The following FGF12 variants were observed in gnomAD, a reference collection of about 807,000 sequenced individuals.
FGF12 encodes the protein fibroblast growth factor 12B.
In FGF12, 14 loss-of-function variants were observed where a neutral mutation model predicts 23.6. The ratio of observed to expected loss-of-function variants is 0.59; its 90% confidence interval spans 0.39 to 0.93. FGF12 has a LOEUF of 0.93. Among genes scored for constraint, FGF12 ranks in the 40% least tolerant of loss-of-function variants. The probability of loss-of-function intolerance (pLI) is 0.00; values close to 1 mark genes in which losing one functional copy is unlikely to be tolerated. For missense variants in FGF12, 175 were observed against 217.8 expected, an observed-to-expected ratio of 0.80 and a Z score of 1.24; for synonymous variants, 62 against 77.3, an observed-to-expected ratio of 0.80 and a Z score of 1.04.
intron 4 of FGF12, among the ~76,000 whole-genome samples, chr3:192,309,693 C>G (rs1715835974): frequency 6.6e-6 from 1 of 151,950 alleles, no homozygotes; most frequent in African/African-American, 2.4e-5. Flanking sequence ...ATAACGATGA[C>G]AGAGAGACAT....
intron 2 of FGF12, among the ~76,000 whole-genome samples, chr3:192,614,913 T>G (rs1316255992): frequency 6.6e-6 from 1 of 152,014 alleles, no homozygotes; most frequent in Non-Finnish European, 1.5e-5. Context: ...TGTTTTTGTT[T>G]TATTTGTTTA....
At chr3:192,377,615 C>A (rs1719580701) in intron 2 of FGF12, among the ~76,000 whole-genome samples, 1 of 152,106 alleles carries the variant, frequency 6.6e-6, no homozygotes, top group African/African-American at 2.4e-5. Context: ...TCAAAATTAT[C>A]ATTGTGGTTA....
chr3:192,458,957 G>A (rs957130016), intron 2 of FGF12, among the ~76,000 whole-genome samples: 1 of 152,084 alleles, frequency 6.6e-6, no homozygotes, highest in Non-Finnish European at 1.5e-5. Context: ...TAAGTCTAAC[G>A]AGATCTAATG....
chr3:192,711,940 C>CAAAAAA (rs60779864), intron 2 of FGF12, among the ~76,000 whole-genome samples: 5 of 50,782 alleles, frequency 9.8e-5, no homozygotes, highest in East Asian at 4.7e-4. Context: ...CAAGAACGAT[C>CAAAAAA]AAAAAAAAAA....
At chr3:192,522,777 T>G (rs993332180) in intron 2 of FGF12, among the ~76,000 whole-genome samples, 1 of 152,188 alleles carries the variant, frequency 6.6e-6, no homozygotes, top group Admixed American at 6.5e-5. Flanking sequence ...TATGAATAGA[T>G]CTGTGAAATT....
intron 3 of FGF12, among the ~76,000 whole-genome samples, chr3:192,342,344 G>A (rs1717732236): frequency 6.6e-6 from 1 of 152,178 alleles, no homozygotes. Context: ...ATGGTACAAA[G>A]TCTGAAATGG....
intron 4 of FGF12, among the ~76,000 whole-genome samples, chr3:192,281,822 A>G (rs1714163608): frequency 6.6e-6 from 1 of 152,158 alleles, no homozygotes; most frequent in South Asian, 2.1e-4. Context: ...ATGCAATCCT[A>G]GAGTGCAAAG....
intron 2 of FGF12, among the ~76,000 whole-genome samples, chr3:192,530,218 C>A (rs1174992583): frequency 1.3e-5 from 2 of 152,036 alleles, no homozygotes; most frequent in Admixed American, 1.3e-4. Flanking sequence ...GCTTTGAAAT[C>A]AAACTGGACC....
At chr3:192,367,840 A>G (rs1367279200) in intron 2 of FGF12, among the ~76,000 whole-genome samples, 1 of 152,026 alleles carries the variant, frequency 6.6e-6, no homozygotes, top group African/African-American at 2.4e-5. Flanking sequence ...CTCATCTTCG[A>G]TCTCCCCATT....
intron 4 of FGF12, among the ~76,000 whole-genome samples, chr3:192,267,439 A>G (rs528370953): frequency 5.9e-5 from 9 of 152,314 alleles, no homozygotes; most frequent in Non-Finnish European, 1.2e-4. Flanking sequence ...ATTTCCAATG[A>G]GAGTTTAATA....
At chr3:192,238,762 C>A (rs1719440025) in intron 4 of FGF12, 3 of 152,150 alleles carry the variant, frequency 2.0e-5, no homozygotes, top group African/African-American at 7.2e-5. Flanking sequence ...CCTCACAGGT[C>A]CAAAGTTTAC....
At chr3:192,664,426 C>T (rs1457785148) in intron 2 of FGF12, among the ~76,000 whole-genome samples, 1 of 151,832 alleles carries the variant, frequency 6.6e-6, no homozygotes, top group African/African-American at 2.4e-5. Context: ...ACCAGCATTA[C>T]TTCCCTAATT....
intron 2 of FGF12, among the ~76,000 whole-genome samples, chr3:192,389,988 G>T (rs1188098549): frequency 6.6e-6 from 1 of 152,164 alleles, no homozygotes; most frequent in Non-Finnish European, 1.5e-5. Context: ...CTGTCCTGTA[G>T]GCTGACTCAT....
chr3:192,186,759 C>CAT (rs1716496565), intron 4 of FGF12, among the ~76,000 whole-genome samples: 1 of 152,172 alleles, frequency 6.6e-6, no homozygotes, highest in Non-Finnish European at 1.5e-5. Flanking sequence ...TAGTATGAGT[C>CAT]ATGTCTCCTC....
At chr3:192,226,244 T>A (rs1299887151) in intron 4 of FGF12, among the ~76,000 whole-genome samples, 1 of 152,184 alleles carries the variant, frequency 6.6e-6, no homozygotes, top group Non-Finnish European at 1.5e-5. Context: ...GCTTAGGGCA[T>A]TTTTTGAATA....
chr3:192,192,812 TA>T (rs1347176195), intron 4 of FGF12, among the ~76,000 whole-genome samples: 2 of 152,172 alleles, frequency 1.3e-5, no homozygotes, highest in African/African-American at 4.8e-5. Flanking sequence ...TTTTTATTCA[TA>T]TAATACATCA....
intron 2 of FGF12, among the ~76,000 whole-genome samples, chr3:192,718,372 A>G (rs1718931781): frequency 6.6e-6 from 1 of 152,092 alleles, no homozygotes; most frequent in Non-Finnish European, 1.5e-5. Context: ...AAGTTCGCCA[A>G]AAGAGATAGG....
chr3:192,495,678 C>T (rs1344513308), intron 2 of FGF12, among the ~76,000 whole-genome samples: 2 of 152,074 alleles, frequency 1.3e-5, no homozygotes, highest in African/African-American at 4.8e-5. Flanking sequence ...ATAGCCCTCA[C>T]CTTTTTGAAA....
chr3:192,565,972 G>A (rs566727328), intron 2 of FGF12, among the ~76,000 whole-genome samples: 14 of 152,174 alleles, frequency 9.2e-5, no homozygotes, highest in Non-Finnish European at 2.1e-4. Context: ...TGTAAACCCA[G>A]CTACTCGGGA....
Sources: gnomAD v4.1 joint callset for allele counts (sites outside exome capture counted in the v4.1 genomes callset) on GRCh38, gnomAD v4.1.1 for gene constraint, MANE v1.5 for transcripts, NCBI Gene and HGNC (gene_info 2026-07-23, HGNC 2026-07-21) for gene names.